OCA2: variants seen among roughly 807,000 people sequenced by gnomAD.
OCA2 encodes OCA2 melanosomal transmembrane protein.
OCA2 carries 77 observed loss-of-function variants against 100.2 expected under a neutral mutation model. That is an observed-to-expected ratio of 0.77 (90% CI 0.64 to 0.93). The LOEUF (loss-of-function observed/expected upper bound fraction) is 0.93. Ranked by LOEUF, OCA2 falls within the 40% of genes least tolerant of loss-of-function variation. The probability of loss-of-function intolerance (pLI) is 0.00; values close to 1 mark genes in which losing one functional copy is unlikely to be tolerated. For missense variants in OCA2, 1,062 were observed against 1,089.1 expected, an observed-to-expected ratio of 0.98 and a Z score of 0.35; for synonymous variants, 432 against 439.2, an observed-to-expected ratio of 0.98 and a Z score of 0.21.
At chr15:28,022,387 G>GAA (rs1566809248) in intron 6 of OCA2, 114 bp downstream of exon 6, 16 of 764,150 alleles carry the variant, frequency 2.1e-5, no homozygotes, top group African/African-American at 1.0e-4. Context: ...CAAAATTCGA[G>GAA]TGGTAATGGC....
intron 2 of OCA2, among the ~76,000 whole-genome samples, chr15:28,066,117 C>G (rs1198108567): frequency 6.6e-6 from 1 of 151,936 alleles, no homozygotes; most frequent in Non-Finnish European, 1.5e-5. Context: ...TTTTATGTAC[C>G]AACACTGAAC....
At chr15:28,053,116 C>T (rs1164591644) in intron 2 of OCA2, among the ~76,000 whole-genome samples, 1 of 152,216 alleles carries the variant, frequency 6.6e-6, no homozygotes, top group African/African-American at 2.4e-5. Flanking sequence ...GATATAGCCT[C>T]AGTTGCGTGT....
intron 23 of OCA2, among the ~76,000 whole-genome samples, chr15:27,769,937 C>T (rs1281084972): frequency 1.3e-5 from 2 of 152,216 alleles, no homozygotes; most frequent in African/African-American, 2.4e-5. Context: ...GCCTCAGGAC[C>T]AGGCTCATCC....
chr15:27,785,393 C>G (rs1299860247), intron 23 of OCA2, among the ~76,000 whole-genome samples: 1 of 151,938 alleles, frequency 6.6e-6, no homozygotes, highest in South Asian at 2.1e-4. Context: ...AATATATGAA[C>G]GAATTAACAA....
At chr15:27,996,937 G>C (rs2041746204) in intron 9 of OCA2, among the ~76,000 whole-genome samples, 1 of 151,304 alleles carries the variant, frequency 6.6e-6, no homozygotes, top group African/African-American at 2.4e-5. Flanking sequence ...TTCGAAACTT[G>C]TTTTATAAAG....
chr15:28,092,707 A>C (rs1247430785), intron 1 of OCA2, among the ~76,000 whole-genome samples: 1 of 152,234 alleles, frequency 6.6e-6, no homozygotes, highest in Non-Finnish European at 1.5e-5. Context: ...GAAAAATATC[A>C]AGCAATGTAA....
chr15:27,989,542 A>G (rs1388961137), intron 11 of OCA2, 59 bp downstream of exon 11: 2 of 1,424,700 alleles, frequency 1.4e-6, no homozygotes, highest in Non-Finnish European at 2.0e-6. Flanking sequence ...GGTGGAGGCC[A>G]GAGAAGGCCC....
chr15:27,769,594 A>T (rs2031552117), intron 23 of OCA2, among the ~76,000 whole-genome samples: 1 of 152,152 alleles, frequency 6.6e-6, no homozygotes, highest in Admixed American at 6.5e-5. Flanking sequence ...ACCACCTAAG[A>T]ACTTATCCAT....
intron 17 of OCA2, among the ~76,000 whole-genome samples, chr15:27,953,202 G>C (rs1327394079): frequency 6.6e-6 from 1 of 152,230 alleles, no homozygotes; most frequent in Admixed American, 6.5e-5. Flanking sequence ...TAGACACACA[G>C]AGGTAGAGCT....
intron 2 of OCA2, among the ~76,000 whole-genome samples, chr15:28,063,142 T>C (rs560714452): frequency 6.6e-6 from 1 of 152,232 alleles, no homozygotes; most frequent in Non-Finnish European, 1.5e-5. Flanking sequence ...TCTTGATGAA[T>C]TGACACTTTT....
chr15:27,860,830 T>C (rs898673947), intron 21 of OCA2, among the ~76,000 whole-genome samples: 4 of 152,322 alleles, frequency 2.6e-5, no homozygotes, highest in Admixed American at 2.0e-4. Flanking sequence ...GTGGGATTGC[T>C]AGGTTGAAAT....
intron 14 of OCA2, among the ~76,000 whole-genome samples, chr15:27,978,573 C>T (rs2041041814): frequency 6.6e-6 from 1 of 152,126 alleles, no homozygotes; most frequent in Non-Finnish European, 1.5e-5. Flanking sequence ...CTGCAGTCTA[C>T]TTTGTCAGAT....
intron 23 of OCA2, among the ~76,000 whole-genome samples, chr15:27,758,036 C>T (rs2030526714): frequency 6.6e-6 from 1 of 152,152 alleles, no homozygotes. Context: ...CTTCCAATTC[C>T]TCCCACTAAG....
At chr15:27,874,697 C>G (rs74464657) in intron 19 of OCA2, among the ~76,000 whole-genome samples, 1 of 151,864 alleles carries the variant, frequency 6.6e-6, no homozygotes, top group Non-Finnish European at 1.5e-5. Context: ...TAACATGGGC[C>G]CTTAATGAGT....
At chr15:27,897,678 A>C (rs2037762525) in intron 19 of OCA2, among the ~76,000 whole-genome samples, 1 of 152,230 alleles carries the variant, frequency 6.6e-6, no homozygotes, top group African/African-American at 2.4e-5. Context: ...ATGTGGGGTC[A>C]GAGGTGCCAC....
At chr15:27,911,372 G>A (rs1338312081) in intron 19 of OCA2, among the ~76,000 whole-genome samples, 3 of 152,116 alleles carry the variant, frequency 2.0e-5, no homozygotes, top group Admixed American at 2.0e-4. Flanking sequence ...CAGTGATTGT[G>A]CCACTGCACT....
At chr15:28,039,861 T>G (rs555389551) in intron 2 of OCA2, among the ~76,000 whole-genome samples, 62 of 152,198 alleles carry the variant, frequency 4.1e-4, no homozygotes, top group Admixed American at 1.9e-3. Flanking sequence ...GGTGAAACCC[T>G]GTCTCTGCTA....
intron 23 of OCA2, among the ~76,000 whole-genome samples, chr15:27,838,017 C>A (rs558083403): frequency 6.6e-6 from 1 of 152,128 alleles, no homozygotes; most frequent in Non-Finnish European, 1.5e-5. Flanking sequence ...AGTACATAGC[C>A]GAAAGCTGAC....
At chr15:28,069,266 A>T (rs895861232) in intron 2 of OCA2, among the ~76,000 whole-genome samples, 15 of 151,970 alleles carry the variant, frequency 9.9e-5, no homozygotes, top group Admixed American at 2.6e-4. Context: ...AAAAATCAAC[A>T]GCATTTCTAT....
Sources: gnomAD v4.1 joint callset for allele counts (sites outside exome capture counted in the v4.1 genomes callset) on GRCh38, gnomAD v4.1.1 for gene constraint, MANE v1.5 for transcripts, NCBI Gene and HGNC (gene_info 2026-07-23, HGNC 2026-07-21) for gene names.